LSM14A: variants seen among roughly 807,000 people sequenced by gnomAD.
The protein encoded by LSM14A is protein LSM14 homolog A.
Under a neutral mutation model 52.4 loss-of-function variants are expected in LSM14A, and 14 were observed. That is an observed-to-expected ratio of 0.27 (90% confidence interval 0.18 to 0.42). LSM14A has a LOEUF of 0.42. Ranked by LOEUF, LSM14A falls within the 10% of genes least tolerant of loss-of-function variation. The pLI is 1.00. For synonymous variants in LSM14A, 185 were observed against 200.3 expected (o/e 0.92, Z 0.64); for missense variants, 417 against 581.8 (o/e 0.72, Z 2.91).
intron 1 of LSM14A, among the ~76,000 whole-genome samples, chr19:34,185,819 A>G (rs1759093): frequency 0.49 from 74,400 of 151,976 alleles, 18,937 homozygotes; most frequent in Middle Eastern, 0.57. Context: ...GAAAGAGAAG[A>G]AAAATACTAA....
intron 3 of LSM14A, chr19:34,208,718 G>C: frequency 2.2e-6 from 1 of 459,966 alleles, no homozygotes; most frequent in Non-Finnish European, 3.9e-6. Flanking sequence ...ATAGTGGACA[G>C]TATATTGGCT....
intron 3 of LSM14A, among the ~76,000 whole-genome samples, chr19:34,199,206 C>T (rs1473861776): frequency 6.6e-6 from 1 of 152,036 alleles, no homozygotes; most frequent in African/African-American, 2.4e-5. Context: ...CTCATTGCAA[C>T]CTCCGCCTCC....
intron 1 of LSM14A, among the ~76,000 whole-genome samples, chr19:34,182,841 CA>C (rs34045024): frequency 9.4e-4 from 115 of 122,344 alleles, no homozygotes; most frequent in East Asian, 5.2e-3. Context: ...GACTCCATCT[CA>C]AAAAAAAAAA....
chr19:34,178,615 C>T (rs2069247671), intron 1 of LSM14A, among the ~76,000 whole-genome samples: 1 of 152,220 alleles, frequency 6.6e-6, no homozygotes, highest in Non-Finnish European at 1.5e-5. Context: ...CACCTCCAGA[C>T]TCTGAGCTCC....
At chr19:34,209,859 T>TA (rs985605081) in intron 4 of LSM14A, among the ~76,000 whole-genome samples, 1 of 151,250 alleles carries the variant, frequency 6.6e-6, no homozygotes, top group Admixed American at 6.6e-5. Flanking sequence ...TTTTTTTTTT[T>TA]AAAGATAGGT....
In LSM14A at chr19:34,219,399, G is replaced by A; in HGVS notation, c.790G>A (p.Ala264Thr). 6.2e-7 allele frequency: 1 copy of A among 1,605,918 alleles called. No individual in the cohort carries two copies. Among genetic ancestry groups the A allele is most frequent in the South Asian group, 1.1e-5 (1 of 89,614 alleles). Residue 264 changes from alanine (A) to threonine (T), a missense_variant, in exon 7 of 10, where the codon GCT becomes ACT. Physicochemically the swap from Ala to Thr is moderately conservative, Grantham distance 58 (BLOSUM62 0). Transcript: ENST00000544216. ...ATTCTTTATTATCATAGCTCCAGGT[G>A]CTCCTTCAGCTCCAAGGAGAGGGCG... is the stretch of plus-strand genomic sequence containing the variant. ...NDNKRQVAPGAPSAPRRGRGG... is the reference protein window; with the variant it reads ...NDNKRQVAPGTPSAPRRGRGG...
intron 3 of LSM14A, among the ~76,000 whole-genome samples, chr19:34,201,843 A>G (rs1402641170): frequency 6.6e-6 from 1 of 151,922 alleles, no homozygotes; most frequent in African/African-American, 2.4e-5. Flanking sequence ...ATTTTTTGAG[A>G]CAGGGTCTCT....
chr19:34,199,846 A>G (rs1344503601), intron 3 of LSM14A, among the ~76,000 whole-genome samples: 3 of 152,250 alleles, frequency 2.0e-5, no homozygotes, highest in African/African-American at 4.8e-5. Context: ...TAATCTCAGT[A>G]TAATAATTAG....
intron 3 of LSM14A, among the ~76,000 whole-genome samples, chr19:34,197,466 T>C (rs2070941353): frequency 7.4e-6 from 1 of 134,700 alleles, no homozygotes; most frequent in East Asian, 2.2e-4. Context: ...TGAGGCAGAG[T>C]CTTGCTCTGT....
At position 34,192,319 on chromosome 19, in the gene LSM14A, G is replaced by GTTTTTTTT. The variant is rs71165632; in HGVS notation, c.122-2143_122-2136dup. 8.6e-3 allele frequency among the ~76,000 whole-genome samples: 459 copies of GTTTTTTTT among 53,412 alleles called. 42 individuals carry two copies. Among genetic ancestry groups the GTTTTTTTT allele is most frequent in the Middle Eastern group, 0.036 (2 of 56 alleles). The allele number at this position is 53,412 out of a possible 152,430, so 35.0% of individuals were successfully genotyped here. A position where few individuals can be genotyped will look rare whatever the true frequency, so the allele number is the denominator to read the frequency against. ...ACACTGAAATAACATTCTTTTTGTT[G>GTTTTTTTT]TTTTTTTTTTTTTTTTTTTTTTTGG... On this transcript the variant is annotated intron_variant, in intron 1 of 9. Coordinates refer to ENST00000544216, the MANE Select transcript of LSM14A (RefSeq NM_015578.4).
chr19:34,212,924 A>G (rs1411259727), intron 4 of LSM14A, among the ~76,000 whole-genome samples: 1 of 152,222 alleles, frequency 6.6e-6, no homozygotes, highest in Non-Finnish European at 1.5e-5. Context: ...TTATAAACTT[A>G]TAAGATGATT....
At chr19:34,207,667 G>C (rs1014091221) in intron 3 of LSM14A, among the ~76,000 whole-genome samples, 8 of 152,120 alleles carry the variant, frequency 5.3e-5, no homozygotes, top group Middle Eastern at 3.4e-3. Context: ...GAGTAGCTGG[G>C]ACTGCAGGCA....
intron 3 of LSM14A, among the ~76,000 whole-genome samples, chr19:34,198,730 T>A (rs2071053318): frequency 6.6e-6 from 1 of 152,228 alleles, no homozygotes. Context: ...CTTACGCCTG[T>A]AATCCCAGCA....
chr19:34,172,666 C>G lies in LSM14A; in HGVS notation c.24C>G (p.Ile8Met), dbSNP rs775684755. 6.3e-7 allele frequency: 1 copy of G among 1,576,764 alleles called. No individual in the cohort carries two copies. The highest frequency in any genetic ancestry group is 2.5e-5 in the East Asian group (1 of 40,178). MSGGTPY[I>M]GSKISLISKA... is the part of the protein sequence containing the mutation. ...CCATGAGCGGGGGCACCCCTTACAT[C>G]GGCAGCAAGATCAGCCTCATCTCCA... is the stretch of plus-strand genomic sequence containing the variant. Residue 8 changes from isoleucine to methionine, a missense_variant, in exon 1 of 10, where the codon ATC becomes ATG. Physicochemically the swap from Ile to Met is conservative, Grantham distance 10 (BLOSUM62 1). Around this residue, in one of 2 missense-constraint regions of LSM14A, gnomAD observed 60 missense variants for 124.8 expected, o/e 0.48. Coordinates refer to ENST00000544216, the MANE Select transcript of LSM14A (RefSeq NM_015578.4).
intron 1 of LSM14A, among the ~76,000 whole-genome samples, chr19:34,181,534 C>T (rs536951571): frequency 2.8e-4 from 42 of 152,248 alleles, no homozygotes; most frequent in African/African-American, 7.0e-4. Flanking sequence ...GTCAGCATTA[C>T]GTGGTACAGT....
intron 1 of LSM14A, among the ~76,000 whole-genome samples, chr19:34,177,271 A>G (rs2069150827): frequency 6.6e-6 from 1 of 152,128 alleles, no homozygotes; most frequent in South Asian, 2.1e-4. Flanking sequence ...CTTTTTTTAA[A>G]ACATCATAGA....
rs2145924626 is a variant in LSM14A at position 34,228,310 on chromosome 19, T to A, written c.*922T>A. The stretch of plus-strand genomic sequence containing the variant: ...TTGTAGCAAATGGCATATCACAGGA[T>A]CTGTCCAGATAATCGATATTTTCAG... On this transcript the variant is annotated 3_prime_UTR_variant, in exon 10 of 10. Coordinates refer to ENST00000544216, the MANE Select transcript of LSM14A (RefSeq NM_015578.4). 1.3e-5 allele frequency: 2 copies of A among 152,766 alleles called. No individual in the cohort carries two copies. The highest frequency in any genetic ancestry group is 4.1e-4 in the South Asian group (2 of 4,828). The allele number at this position is 152,766 out of a possible 1,614,324, so 9.5% of individuals were successfully genotyped here.
At chr19:34,226,017 G>A (rs911030662) in intron 9 of LSM14A, among the ~76,000 whole-genome samples, 6 of 151,462 alleles carry the variant, frequency 4.0e-5, no homozygotes, top group African/African-American at 1.5e-4. Flanking sequence ...AGCCATGATC[G>A]CACCACTGCA....
chr19:34,193,514 G>A (rs12327827), intron 1 of LSM14A, among the ~76,000 whole-genome samples: 2,009 of 152,172 alleles, frequency 0.013, 47 homozygotes, highest in African/African-American at 0.047. Flanking sequence ...AAAAAGATTC[G>A]GTAGAAATCT....
Sources: gnomAD v4.1 joint callset for allele counts (sites outside exome capture counted in the v4.1 genomes callset) on GRCh38, gnomAD v4.1.1 for gene constraint, gnomAD v4.1.1 regional missense constraint, MANE v1.5 for transcripts, NCBI Gene and HGNC (gene_info 2026-07-23, HGNC 2026-07-21) for gene names.